Variants in CIDEB observed in about 807,000 individuals in gnomAD.
The protein encoded by CIDEB is lipid transferase CIDEB.
In CIDEB, 27 loss-of-function variants were observed where a neutral mutation model predicts 22.4. The ratio of observed to expected loss-of-function variants is 1.21; its 90% CI spans 0.89 to 1.66. The LOEUF is 1.66. Ranked by LOEUF, CIDEB falls within the 40% of genes most tolerant of loss-of-function variation. CIDEB has a pLI of 0.00. For synonymous variants in CIDEB, 103 were observed against 109.5 expected, an observed-to-expected ratio of 0.94 and a Z score of 0.37; for missense variants, 289 against 268.7, an observed-to-expected ratio of 1.08 and a Z score of -0.53.
At position 24,307,473 on chromosome 14, in the gene CIDEB, C is replaced by T. The variant is rs1385944592; in HGVS notation, c.84G>A (p.Trp28Ter). The change falls in exon 2 of 5, where the codon TGG (tryptophan) becomes TGA (stop). Residue 28 changes from tryptophan to a stop codon, truncating the protein, a stop_gained. Coordinates refer to ENST00000554411, the MANE Select transcript of CIDEB (RefSeq NM_001393339.1). LOFTEE classifies it high-confidence loss of function. The stretch of plus-strand genomic sequence containing the variant: ...GTCGCTGGGGTGGTGGAGCTGAGGT[C>T]CAGACCCTCCGTCCAAACTCCGAGC... ...NISSEFGRRV[W>*]TSAPPPQRPF... 1 of 1,614,052 alleles carries T rather than the reference C, an allele frequency of 6.2e-7. No individual in the cohort carries two copies. The highest frequency in any genetic ancestry group is 2.2e-5 in the East Asian group (1 of 44,874).
chr14:24,310,680 C>T (rs1258768405), upstream of CIDEB: 3 of 1,614,026 alleles, frequency 1.9e-6, no homozygotes, highest in East Asian at 2.2e-5. Context: ...GGTCTGCTAC[C>T]GTCCCCCAGG....
At chr14:24,310,321 G>A (rs1056115934), upstream of CIDEB, 3 of 596,480 alleles carry the variant, frequency 5.0e-6, no homozygotes, top group South Asian at 4.1e-5. Flanking sequence ...TGCTAGAATG[G>A]GGCTGGACAA....
In CIDEB at chr14:24,305,353, TG is replaced by T. The variant is rs2041464020; in HGVS notation, c.*279del. On this transcript the variant is annotated 3_prime_UTR_variant, in exon 5 of 5. Coordinates refer to ENST00000554411, the MANE Select transcript of CIDEB (RefSeq NM_001393339.1). ...GGATTAGATGTAGCAGCAGTCAGGC[TG>T]GGATCAAGATGCCTGGGGGACATCT... 1.8e-6 allele frequency: 1 copy of T among 563,822 alleles called. No homozygotes were observed. Among genetic ancestry groups the T allele is most frequent in the African/African-American group, 1.9e-5 (1 of 52,832 alleles). 34.9% of individuals were successfully genotyped at this position (563,822 alleles called of 1,614,324 possible).
Position 24,306,061 on chromosome 14 carries a change from AC to A in CIDEB, c.412del (p.Val138CysfsTer13). 1 of 1,614,138 alleles carries A rather than the reference AC, an allele frequency of 6.2e-7. No individual in the cohort carries two copies. The highest frequency in any genetic ancestry group is 8.5e-7 in the Non-Finnish European group (1 of 1,180,018). ...GAGGTCTCGAGGGTTTTGCTTGTAC[AC>A]GTCAAAGGTGAATCGGGCGATGTCC... ...SKDIARFTFD[V>X]YKQNPRDLFG... On this transcript the variant is annotated frameshift_variant, in exon 4 of 5. Transcript: ENST00000554411. LOFTEE classifies it high-confidence loss of function.
Position 24,307,450 on chromosome 14 carries a change from C to T in CIDEB, c.107G>A (p.Arg36Gln), listed in dbSNP as rs148297663. 34 of 1,613,974 alleles carry T rather than the reference C, an allele frequency of 2.1e-5. No homozygotes were observed. The highest frequency in any genetic ancestry group is 2.5e-5 in the Non-Finnish European group (29 of 1,180,010). Residue 36 changes from arginine (R) to glutamine (Q), a missense_variant, in exon 2 of 5, where the codon CGA (arginine) becomes CAA (glutamine). By Grantham distance (43) the Arg-to-Gln change is conservative (BLOSUM62 1). Transcript: ENST00000554411. ...RVWTSAPPPQ[R>Q]PFRVCDHKRT... Reference sequence around the variant, plus strand: ...CTTGTGATCACAGACACGGAAAGGTCGCTGGGGTGGTGGAGCTGAGGTCCA... The same window carrying T: ...CTTGTGATCACAGACACGGAAAGGTTGCTGGGGTGGTGGAGCTGAGGTCCA...
At chr14:24,309,046 T>A (rs2041608274), upstream of CIDEB, 1 of 152,278 alleles carries the variant, frequency 6.6e-6, no homozygotes, top group Admixed American at 6.5e-5. Context: ...GTAGAACAAC[T>A]CTCTCTCACT....
upstream of CIDEB, chr14:24,310,273 C>T (rs1212715288): frequency 1.8e-5 from 10 of 561,624 alleles, no homozygotes; most frequent in East Asian, 6.0e-5. Context: ...GATCTGTGCA[C>T]GTCCCTTTAC....
At chr14:24,307,663 T>TG (rs2041561140) in intron 1 of CIDEB, 148 bp from the exon 2 acceptor site, 3 of 892,526 alleles carry the variant, frequency 3.4e-6, no homozygotes, top group African/African-American at 2.0e-5. Context: ...GGAGTGCAGG[T>TG]GGGGGCGGGT....
upstream of CIDEB, chr14:24,308,475 T>C (rs1252803516): frequency 1.3e-5 from 2 of 153,582 alleles, no homozygotes; most frequent in African/African-American, 4.8e-5. Flanking sequence ...GCCTTCCTGC[T>C]TACCTGCTCT....
At chr14:24,311,209 T>C, upstream of CIDEB, 1 of 1,608,976 alleles carries the variant, frequency 6.2e-7, no homozygotes, top group East Asian at 2.2e-5. Flanking sequence ...GCCGCCCACC[T>C]GAGCCTGGAG....
In CIDEB at chr14:24,307,471, G is replaced by A. The variant is rs1388505413; in HGVS notation, c.86C>T (p.Thr29Ile). ...AGGTCGCTGGGGTGGTGGAGCTGAG[G>A]TCCAGACCCTCCGTCCAAACTCCGA... ...ISSEFGRRVW[T>I]SAPPPQRPFR... Residue 29 changes from threonine to isoleucine, a missense_variant, in exon 2 of 5, where the codon ACC becomes ATC. Physicochemically the swap from Thr to Ile is moderately conservative, Grantham distance 89. Transcript: ENST00000554411. 1.2e-6 allele frequency: 2 copies of A among 1,614,138 alleles called. No individual in the cohort carries two copies. The highest frequency in any genetic ancestry group is 3.3e-5 in the Admixed American group (2 of 60,020).
chr14:24,306,109 C>A lies in CIDEB; in HGVS notation c.365G>T (p.Arg122Leu). ...GTCCTTGCTGTGCTTGGGCCTCTCCCGTCCCAGGCCATATGACAGCACTCC... is the reference window on the plus strand; with the variant it reads ...GTCCTTGCTGTGCTTGGGCCTCTCCAGTCCCAGGCCATATGACAGCACTCC... Reference protein sequence around the residue: ...RSGVLSYGLGRERPKHSKDIA... With the variant: ...RSGVLSYGLGLERPKHSKDIA... The change falls in exon 4 of 5, where the codon CGG (arginine) becomes CTG (leucine). Residue 122 changes from arginine (R) to leucine (L), a missense_variant. Coordinates refer to ENST00000554411, the MANE Select transcript of CIDEB (RefSeq NM_001393339.1). The A allele has an allele frequency of 6.2e-7, 1 of 1,613,966 alleles. No homozygotes were observed. The highest frequency in any genetic ancestry group is 2.2e-5 in the East Asian group (1 of 44,880).
upstream of CIDEB, chr14:24,310,270 G>T (rs940355341): frequency 1.1e-5 from 6 of 558,890 alleles, no homozygotes; most frequent in African/African-American, 1.1e-4. Context: ...GTAGATCTGT[G>T]CACGTCCCTT....
chr14:24,305,681 C>A lies in CIDEB; in HGVS notation c.612G>T (p.Val204=), dbSNP rs1476915340. The A allele has an allele frequency of 6.8e-6, 11 of 1,614,104 alleles. No homozygotes were observed. The highest frequency in any genetic ancestry group is 9.3e-6 in the Non-Finnish European group (11 of 1,180,046). The part of the protein sequence containing the change: ...LGISSTLRHA[V]EGAEQWQQKG... Reference sequence around the variant, plus strand: ...TCTGCTGCCACTGCTCAGCCCCCTCCACTGCATGACGAAGGGTGGAGGAAA... The same window carrying A: ...TCTGCTGCCACTGCTCAGCCCCCTCAACTGCATGACGAAGGGTGGAGGAAA... Residue 204 remains valine, a synonymous_variant, in exon 5 of 5, where the codon GTG becomes GTT. Transcript: ENST00000554411.
chr14:24,310,982 C>T (rs1208752509), upstream of CIDEB: 3 of 1,590,306 alleles, frequency 1.9e-6, no homozygotes, highest in Non-Finnish European at 2.5e-6. Context: ...TCAGCATGTA[C>T]GCCAGCGTGC....
upstream of CIDEB, chr14:24,310,090 G>A (rs1332462607): frequency 6.0e-6 from 1 of 165,472 alleles, no homozygotes; most frequent in Non-Finnish European, 1.3e-5. Context: ...AGCAGGGTGA[G>A]GGAGGGGCCC....
chr14:24,307,636 G>A, intron 1 of CIDEB, 121 bp from the exon 2 acceptor site: 1 of 1,230,320 alleles, frequency 8.1e-7, no homozygotes, highest in South Asian at 1.4e-5. Context: ...ATCGATTAGG[G>A]ATGAGGGAGA....
In CIDEB at chr14:24,307,909, C is replaced by G. The variant is rs988071279; in HGVS notation, c.-51G>C. The G allele has an allele frequency of 8.7e-6, 13 of 1,502,852 alleles. No individual in the cohort carries two copies. The highest frequency in any genetic ancestry group is 2.8e-5 in the African/African-American group (2 of 72,448). The allele number at this position is 1,502,852 out of a possible 1,614,324, so 93.1% of individuals were successfully genotyped here. ...GAACTTCTGGGCTGGGTGGTTCTCT[C>G]CTGTGCTGGGGCTTTAGTGGTGTTT... On this transcript the variant is annotated 5_prime_UTR_variant, in exon 1 of 5. Transcript: ENST00000554411.
At chr14:24,307,171 C>T (rs2041536883) in intron 2 of CIDEB, 200 bp downstream of exon 2, 1 of 535,288 alleles carries the variant, frequency 1.9e-6, no homozygotes, top group South Asian at 2.8e-5. Context: ...CCTGCTAACC[C>T]CTGCTCCCAT....
Sources: allele counts gnomAD v4.1 joint callset, GRCh38; gene constraint gnomAD v4.1.1; transcripts MANE v1.5; gene names NCBI Gene and HGNC (gene_info 2026-07-23, HGNC 2026-07-21).